Variants in MORC1 observed in about 807,000 individuals in gnomAD.
MORC1 encodes MORC family CW-type zinc finger protein 1.
Under a neutral mutation model 134.9 loss-of-function variants are expected in MORC1, and 59 were observed. The observed-to-expected ratio is 0.44, with a 90% CI of 0.35 to 0.54. MORC1 has a LOEUF of 0.54. Among genes scored for constraint, MORC1 ranks in the 20% least tolerant of loss-of-function variants. The pLI is 0.00. For missense variants in MORC1, 947 were observed against 1,134.5 expected (o/e 0.83, Z 2.37); for synonymous variants, 395 against 391.7 (o/e 1.01, Z -0.10).
At chr3:109,067,004 C>T (rs1477876710) in intron 9 of MORC1, among the ~76,000 whole-genome samples, 1 of 152,144 alleles carries the variant, frequency 6.6e-6, no homozygotes, top group Non-Finnish European at 1.5e-5. Context: ...TCAAAAATTA[C>T]TAGTCTGATA....
chr3:109,000,926 T>C (rs1272679869), intron 20 of MORC1, among the ~76,000 whole-genome samples: 1 of 152,178 alleles, frequency 6.6e-6, no homozygotes. Context: ...CTAGTGTGTT[T>C]ATTGGACAGG....
At chr3:109,108,708 T>C (rs557809454) in intron 3 of MORC1, among the ~76,000 whole-genome samples, 21 of 152,032 alleles carry the variant, frequency 1.4e-4, no homozygotes, top group Non-Finnish European at 2.6e-4. Context: ...CCATCCTGGC[T>C]AACATGGTGA....
At chr3:109,046,982 A>G (rs1373076821) in intron 14 of MORC1, among the ~76,000 whole-genome samples, 1 of 152,154 alleles carries the variant, frequency 6.6e-6, no homozygotes, top group African/African-American at 2.4e-5. Flanking sequence ...GCAAGTGTTT[A>G]AAACATGATT....
At chr3:109,066,931 A>G (rs1446107645) in intron 9 of MORC1, among the ~76,000 whole-genome samples, 1 of 151,790 alleles carries the variant, frequency 6.6e-6, no homozygotes, top group Non-Finnish European at 1.5e-5. Flanking sequence ...GTAATAAAAG[A>G]TTAAATAATT....
intron 14 of MORC1, 118 bp downstream of exon 14, chr3:109,054,610 T>C: frequency 1.1e-6 from 1 of 900,430 alleles, no homozygotes; most frequent in Non-Finnish European, 1.6e-6. Context: ...AAGCAGGAGC[T>C]CCCTTTCAGA....
intron 14 of MORC1, among the ~76,000 whole-genome samples, chr3:109,052,301 C>T (rs1387496588): frequency 1.3e-5 from 2 of 152,080 alleles, no homozygotes; most frequent in East Asian, 1.9e-4. Flanking sequence ...AAAGATATGC[C>T]TATCCCAGGA....
intron 26 of MORC1, among the ~76,000 whole-genome samples, chr3:108,969,236 A>G (rs2715748): frequency 0.4 from 60,182 of 152,006 alleles, 12,378 homozygotes; most frequent in Middle Eastern, 0.56. Context: ...TTATATTAGC[A>G]TTAATTACTT....
chr3:108,975,693 A>G (rs1286145341), intron 24 of MORC1, among the ~76,000 whole-genome samples: 1 of 152,190 alleles, frequency 6.6e-6, no homozygotes, highest in Admixed American at 6.5e-5. Context: ...AAGATGACTG[A>G]GCTATCATAT....
intron 4 of MORC1, among the ~76,000 whole-genome samples, chr3:109,103,401 A>T (rs1950965408): frequency 6.6e-6 from 1 of 152,208 alleles, no homozygotes; most frequent in South Asian, 2.1e-4. Context: ...CAAAATGCAG[A>T]GGAAAAAACA....
chr3:108,960,828 G>A (rs1280107262), intron 27 of MORC1, among the ~76,000 whole-genome samples: 1 of 152,088 alleles, frequency 6.6e-6, no homozygotes, highest in Non-Finnish European at 1.5e-5. Context: ...AAAAAAATCT[G>A]TAAAGGGCAT....
In MORC1 at chr3:108,993,408, G is replaced by A. The variant is rs114763429; in HGVS notation, c.2188-6459C>T. Reference sequence around the variant, plus strand: ...ACATTGTTTTTGTGTCTCTCCGTACGTTTGCTGGAGAACTGATGAACAATC... The same window carrying A: ...ACATTGTTTTTGTGTCTCTCCGTACATTTGCTGGAGAACTGATGAACAATC... On this transcript the variant is annotated intron_variant, in intron 21 of 27. Coordinates refer to ENST00000232603, the MANE Select transcript of MORC1 (RefSeq NM_014429.4). 5.1e-3 allele frequency among the ~76,000 whole-genome samples: 780 copies of A among 152,214 alleles called. 18 individuals are homozygous for A. Among genetic ancestry groups the A allele is most frequent in the African/African-American group, 0.018 (748 of 41,540 alleles).
intron 14 of MORC1, among the ~76,000 whole-genome samples, chr3:109,054,363 T>A (rs992482694): frequency 6.6e-6 from 1 of 152,056 alleles, no homozygotes; most frequent in Non-Finnish European, 1.5e-5. Flanking sequence ...AACAACATTA[T>A]AAGAGCTACT....
At chr3:109,073,316 C>T (rs1449071114) in intron 8 of MORC1, among the ~76,000 whole-genome samples, 1 of 152,190 alleles carries the variant, frequency 6.6e-6, no homozygotes, top group African/African-American at 2.4e-5. Flanking sequence ...TGGCTAAGGC[C>T]ATAGCTCCTT....
chr3:109,108,567 G>A (rs1404213644), intron 3 of MORC1, among the ~76,000 whole-genome samples: 2 of 151,972 alleles, frequency 1.3e-5, no homozygotes, highest in Non-Finnish European at 1.5e-5. Context: ...AGACTCTCTT[G>A]TAAGGTATTT....
At chr3:109,014,073 G>A (rs1948760318) in intron 17 of MORC1, among the ~76,000 whole-genome samples, 1 of 152,174 alleles carries the variant, frequency 6.6e-6, no homozygotes, top group Admixed American at 6.5e-5. Context: ...AAGAGACTAA[G>A]ACAGTTTCCT....
At chr3:109,036,127 A>C (rs1342575858) in intron 14 of MORC1, among the ~76,000 whole-genome samples, 1 of 152,174 alleles carries the variant, frequency 6.6e-6, no homozygotes, top group Non-Finnish European at 1.5e-5. Context: ...TCGACTAGTA[A>C]AAAGTTGGAG....
At chr3:109,000,345 A>G (rs949310136) in intron 21 of MORC1, among the ~76,000 whole-genome samples, 16 of 152,176 alleles carry the variant, frequency 1.1e-4, no homozygotes, top group African/African-American at 3.6e-4. Flanking sequence ...GGTGCCGTGG[A>G]CTAGGGGTGG....
chr3:109,018,149 T>TA (rs1181115708), intron 17 of MORC1, among the ~76,000 whole-genome samples: 1 of 152,078 alleles, frequency 6.6e-6, no homozygotes, highest in Non-Finnish European at 1.5e-5. Context: ...CCCATAATCT[T>TA]AGACTCACAG....
chr3:109,032,086 T>C (rs540161885), intron 16 of MORC1, among the ~76,000 whole-genome samples: 2 of 152,304 alleles, frequency 1.3e-5, no homozygotes, highest in East Asian at 3.9e-4. Context: ...CCCTAATGTC[T>C]ATATTAAAAA....
Sources: allele counts gnomAD v4.1 joint callset (sites outside exome capture counted in the v4.1 genomes callset), GRCh38; gene constraint gnomAD v4.1.1; transcripts MANE v1.5; gene names NCBI Gene and HGNC (gene_info 2026-07-23, HGNC 2026-07-21).